The following CTNNA2 variants were observed in gnomAD, a reference collection of about 807,000 sequenced individuals.
CTNNA2 encodes the protein catenin alpha-2.
In CTNNA2, 42 loss-of-function variants were observed where a neutral mutation model predicts 101.0. The observed-to-expected ratio is 0.42, with a 90% CI of 0.32 to 0.54. The LOEUF is 0.54. CTNNA2 is among the 20% of genes least tolerant of loss of function. The pLI is 0.14. For missense variants in CTNNA2, 871 were observed against 1,223.1 expected, an observed-to-expected ratio of 0.71 and a Z score of 4.29; for synonymous variants, 450 against 456.4, an observed-to-expected ratio of 0.99 and a Z score of 0.18.
intron 18 of CTNNA2, among the ~76,000 whole-genome samples, chr2:80,646,580 T>G (rs1674116055): frequency 6.6e-6 from 1 of 151,786 alleles, no homozygotes; most frequent in Admixed American, 6.6e-5. Flanking sequence ...GCTATAACAT[T>G]GAGACATAAC....
intron 2 of CTNNA2, among the ~76,000 whole-genome samples, chr2:79,707,174 C>T (rs555964208): frequency 6.2e-4 from 95 of 152,272 alleles, no homozygotes; most frequent in African/African-American, 2.2e-3. Context: ...GTGCTGGCTC[C>T]AGTTACTGGC....
chr2:79,196,138 T>C (rs1673957625), intron 1 of CTNNA2, among the ~76,000 whole-genome samples: 1 of 152,160 alleles, frequency 6.6e-6, no homozygotes, highest in East Asian at 1.9e-4. Flanking sequence ...TTCACCATGT[T>C]GGCCAGGCAG....
intron 3 of CTNNA2, among the ~76,000 whole-genome samples, chr2:79,349,127 T>C (rs1677327121): frequency 6.6e-6 from 1 of 152,240 alleles, no homozygotes; most frequent in Admixed American, 6.5e-5. Context: ...TATAGGCTTC[T>C]TTGCATATTC....
rs114161377 is a variant in CTNNA2 at position 79,662,854 on chromosome 2, T to C, written c.102+11196T>C. ...AGTCTTTCTTGTAACATGGATATCT[T>C]GACTTTGGTGTCACCATCTCATGGG... is the stretch of plus-strand genomic sequence containing the variant. On this transcript the variant is annotated intron_variant, in intron 2 of 18. Coordinates refer to ENST00000402739, the MANE Select transcript of CTNNA2 (RefSeq NM_001282597.3). Among the ~76,000 whole-genome samples the C allele has an allele frequency of 6.0e-3, 916 of 152,330 alleles. 9 individuals are homozygous for C. The highest frequency in any genetic ancestry group is 7.9e-3 in the Non-Finnish European group (537 of 68,016).
intron 9 of CTNNA2, among the ~76,000 whole-genome samples, chr2:80,425,302 A>C (rs1206950001): frequency 6.6e-6 from 1 of 152,126 alleles, no homozygotes; most frequent in Non-Finnish European, 1.5e-5. Flanking sequence ...CATTTAGATA[A>C]GTTTATGGTG....
intron 7 of CTNNA2, among the ~76,000 whole-genome samples, chr2:80,263,632 G>A (rs766952003): frequency 1.2e-4 from 18 of 152,138 alleles, no homozygotes; most frequent in Non-Finnish European, 1.9e-4. Flanking sequence ...CACTGCACCC[G>A]GCCATGTGTA....
At chr2:79,908,707 G>A (rs1685588078) in intron 6 of CTNNA2, among the ~76,000 whole-genome samples, 1 of 152,092 alleles carries the variant, frequency 6.6e-6, no homozygotes, top group African/African-American at 2.4e-5. Context: ...CTTCTGTATA[G>A]GGGTCTTCTC....
intron 9 of CTNNA2, among the ~76,000 whole-genome samples, chr2:80,470,620 C>G (rs2149485321): frequency 6.6e-6 from 1 of 152,224 alleles, no homozygotes; most frequent in South Asian, 2.1e-4. Flanking sequence ...TTCATTCATT[C>G]ATTTACCAAA....
At chr2:80,351,225 T>G (rs1400190212) in intron 7 of CTNNA2, among the ~76,000 whole-genome samples, 3 of 152,038 alleles carry the variant, frequency 2.0e-5, no homozygotes, top group Non-Finnish European at 4.4e-5. Flanking sequence ...ATGATAAAAA[T>G]AGGGAACCAA....
At chr2:79,750,212 C>T (rs530534901) in intron 3 of CTNNA2, among the ~76,000 whole-genome samples, 4 of 152,294 alleles carry the variant, frequency 2.6e-5, no homozygotes, top group African/African-American at 7.2e-5. Flanking sequence ...GTGTTTACCA[C>T]GAAGATTTTT....
chr2:79,776,472 C>G (rs554025693), intron 3 of CTNNA2, among the ~76,000 whole-genome samples: 1 of 151,952 alleles, frequency 6.6e-6, no homozygotes, highest in African/African-American at 2.4e-5. Flanking sequence ...GCATATGAGT[C>G]GGGAAGAAAA....
rs199687622 is a variant in CTNNA2, at chr2:79,202,340, T to TA, written c.-406+4264_-406+4265insA. Among the ~76,000 whole-genome samples the TA allele has an allele frequency of 4.6e-3, 551 of 119,230 alleles. 6 individuals are homozygous for TA. The highest frequency in any genetic ancestry group is 0.018 in the African/African-American group (527 of 29,814). 78.2% of individuals were successfully genotyped at this position (119,230 alleles called of 152,430 possible). On this transcript the variant is annotated intron_variant, in intron 2 of 21. Transcript: ENST00000466387. ...TTCCACACACTTGTTTTTTTATTTTTTTTATTTTTTTTATTTTTTTGAGAC... is the reference window on the plus strand; with the variant it reads ...TTCCACACACTTGTTTTTTTATTTTTATTTATTTTTTTTATTTTTTTGAGAC...
chr2:79,377,395 A>G (rs1470813801), intron 4 of CTNNA2, among the ~76,000 whole-genome samples: 1 of 152,184 alleles, frequency 6.6e-6, no homozygotes, highest in East Asian at 1.9e-4. Flanking sequence ...ATATGCACTG[A>G]AGTACACCAG....
intron 9 of CTNNA2, among the ~76,000 whole-genome samples, chr2:80,427,216 A>G (rs910989395): frequency 1.3e-5 from 2 of 152,206 alleles, no homozygotes; most frequent in African/African-American, 4.8e-5. Context: ...GCACAGTTGT[A>G]GGATCCTAAA....
intron 9 of CTNNA2, among the ~76,000 whole-genome samples, chr2:80,534,755 C>A (rs1040817858): frequency 6.6e-6 from 1 of 152,092 alleles, no homozygotes; most frequent in Non-Finnish European, 1.5e-5. Context: ...TTCACTTATT[C>A]CAGGGACCTT....
At chr2:80,099,383 A>G (rs1055469499) in intron 7 of CTNNA2, among the ~76,000 whole-genome samples, 36 of 152,068 alleles carry the variant, frequency 2.4e-4, no homozygotes, top group African/African-American at 8.5e-4. Context: ...CTTAGTTACA[A>G]CCCTGCATGT....
chr2:79,660,361 A>AT, intron 2 of CTNNA2, among the ~76,000 whole-genome samples: 1 of 150,980 alleles, frequency 6.6e-6, no homozygotes, highest in African/African-American at 2.4e-5. Flanking sequence ...TATGTATACT[A>AT]AATACATACA....
intron 7 of CTNNA2, among the ~76,000 whole-genome samples, chr2:80,064,237 C>T (rs531228783): frequency 6.6e-6 from 1 of 152,158 alleles, no homozygotes; most frequent in African/African-American, 2.4e-5. Context: ...GCAGAATAGT[C>T]ATGTGGTAAC....
chr2:80,226,332 T>G (rs909432187), intron 7 of CTNNA2, among the ~76,000 whole-genome samples: 1 of 152,244 alleles, frequency 6.6e-6, no homozygotes, highest in Non-Finnish European at 1.5e-5. Context: ...TCTGAGGGAC[T>G]GGAGGCCTTT....
Sources: gnomAD v4.1 joint callset for allele counts (sites outside exome capture counted in the v4.1 genomes callset) on GRCh38, gnomAD v4.1.1 for gene constraint, MANE v1.5 for transcripts, NCBI Gene and HGNC (gene_info 2026-07-23, HGNC 2026-07-21) for gene names.